The following CD59 variants were observed in gnomAD, a reference collection of about 807,000 sequenced individuals.
CD59 encodes CD59 molecule (CD59 blood group).
Under a neutral mutation model 7.0 loss-of-function variants are expected in CD59, and 3 were observed. That is an observed-to-expected ratio of 0.43 (90% confidence interval 0.19 to 1.10). CD59 has a LOEUF of 1.10. Ranked by LOEUF, CD59 falls within the 50% of genes least tolerant of loss-of-function variation. The pLI is 0.29. For missense variants in CD59, 143 were observed against 151.0 expected (o/e 0.95, Z 0.28); for synonymous variants, 60 against 62.0 (o/e 0.97, Z 0.15).
chr11:33,729,368 G>A (rs1227862863), intron 1 of CD59, among the ~76,000 whole-genome samples: 2 of 152,020 alleles, frequency 1.3e-5, no homozygotes, highest in Non-Finnish European at 2.9e-5. Context: ...TCCTTTGCAG[G>A]GACATGGATG....
At position 33,703,873 on chromosome 11, in the gene CD59, G is replaced by T. The variant is rs1000917536; in HGVS notation, c.*6253C>A. 1.3e-5 allele frequency: 2 copies of T among 152,250 alleles called. No individual in the cohort carries two copies. The highest frequency in any genetic ancestry group is 4.1e-4 in the South Asian group (2 of 4,824). The allele number at this position is 152,250 out of a possible 1,614,324, so 9.4% of individuals were successfully genotyped here. The stretch of plus-strand genomic sequence containing the variant: ...AGCATTCTTCACTCTCTATTTAACC[G>T]AGGCTGACTCATTGCAGTTGGCACT... On this transcript the variant is annotated 3_prime_UTR_variant, in exon 4 of 4. Transcript: ENST00000642928.
intron 1 of CD59, chr11:33,731,566 G>A (rs1253645754): frequency 5.9e-5 from 9 of 152,290 alleles, no homozygotes; most frequent in African/African-American, 2.2e-4. Context: ...TTAGACTCCA[G>A]CCCTAGAGGT....
chr11:33,707,579 C>T lies in CD59; in HGVS notation c.*2547G>A, dbSNP rs1853364393. On this transcript the variant is annotated 3_prime_UTR_variant, in exon 4 of 4. Coordinates refer to ENST00000642928, the MANE Select transcript of CD59 (RefSeq NM_000611.6). ...GAACACTATGACAGTTCCTGTAAAT[C>T]CAGATGAGTGGAGGGCACAGGGTAT... 2 of 152,370 alleles carry T rather than the reference C, an allele frequency of 1.3e-5. No homozygotes were observed. The highest frequency in any genetic ancestry group is 4.1e-4 in the South Asian group (2 of 4,830). 9.4% of individuals were successfully genotyped at this position (152,370 alleles called of 1,614,324 possible).
intron 1 of CD59, among the ~76,000 whole-genome samples, chr11:33,723,745 G>C (rs1033476192): frequency 1.3e-5 from 2 of 152,082 alleles, no homozygotes; most frequent in African/African-American, 4.8e-5. Context: ...CATTTTCAGG[G>C]GTTTCTGAGT....
chr11:33,711,195 G>T (rs192675844), intron 3 of CD59, among the ~76,000 whole-genome samples: 1 of 152,096 alleles, frequency 6.6e-6, no homozygotes, highest in Non-Finnish European at 1.5e-5. Context: ...CACCAGGTGC[G>T]GTGGCTCACA....
chr11:33,710,333 C>T lies in CD59; in HGVS notation c.180G>A (p.Val60=), dbSNP rs1853488449. The T allele has an allele frequency of 1.9e-6, 3 of 1,613,798 alleles. No homozygotes were observed. The highest frequency in any genetic ancestry group is 3.3e-4 in the Middle Eastern group (2 of 6,062). ...GCTCAAACTTCCAACACTTGTTATA[C>T]ACTTGTAACCCTGTGGGGAGACACA... ...ACLITKAGLQ[V]YNKCWKFEHC... Residue 60 remains valine (V), a synonymous_variant, in exon 4 of 4, where the codon GTG becomes GTA. Coordinates refer to ENST00000642928, the MANE Select transcript of CD59 (RefSeq NM_000611.6).
At chr11:33,721,578 C>A (rs1312019645) in intron 2 of CD59, among the ~76,000 whole-genome samples, 1 of 152,196 alleles carries the variant, frequency 6.6e-6, no homozygotes, top group Admixed American at 6.5e-5. Context: ...GGCAGACAAC[C>A]ACACTTGATC....
intron 1 of CD59, among the ~76,000 whole-genome samples, chr11:33,728,259 G>C (rs950158037): frequency 1.3e-5 from 2 of 152,154 alleles, no homozygotes; most frequent in Admixed American, 1.3e-4. Context: ...CACGCTACCT[G>C]ACTTCAAACT....
chr11:33,716,968 C>T (rs930008638), intron 3 of CD59, among the ~76,000 whole-genome samples: 1 of 152,178 alleles, frequency 6.6e-6, no homozygotes, highest in Non-Finnish European at 1.5e-5. Context: ...TGTATGTGTC[C>T]TTTCTTTATC....
chr11:33,719,835 C>T (rs7125604), intron 2 of CD59, among the ~76,000 whole-genome samples: 2,742 of 152,286 alleles, frequency 0.018, 45 homozygotes, highest in Non-Finnish European at 0.027. Flanking sequence ...CTGTCATGCC[C>T]GTGTGAGAGG....
At chr11:33,727,376 A>C (rs1490742736) in intron 1 of CD59, among the ~76,000 whole-genome samples, 1 of 152,252 alleles carries the variant, frequency 6.6e-6, no homozygotes. Context: ...ACATATGCAA[A>C]TCAATAAACA....
intron 1 of CD59, among the ~76,000 whole-genome samples, chr11:33,724,064 G>A (rs908429915): frequency 4.6e-5 from 7 of 152,170 alleles, no homozygotes; most frequent in African/African-American, 1.7e-4. Flanking sequence ...AGCTGTGACT[G>A]TGCCACTGCA....
chr11:33,730,119 C>T (rs1475736394), intron 1 of CD59, among the ~76,000 whole-genome samples: 1 of 151,934 alleles, frequency 6.6e-6, no homozygotes, highest in Non-Finnish European at 1.5e-5. Context: ...AAAACATACA[C>T]AAATCTATTA....
intron 2 of CD59, among the ~76,000 whole-genome samples, chr11:33,721,182 C>A (rs1401620773): frequency 1.3e-5 from 2 of 152,124 alleles, no homozygotes; most frequent in African/African-American, 4.8e-5. Context: ...TTACAGTGCA[C>A]CCTGGCTAGA....
chr11:33,731,783 G>A (rs1011329408), intron 1 of CD59, among the ~76,000 whole-genome samples: 2 of 150,356 alleles, frequency 1.3e-5, no homozygotes, highest in Admixed American at 6.6e-5. Context: ...AAATATTTAG[G>A]AGCCGCTTCT....
intron 2 of CD59, chr11:33,718,200 G>A (rs1853887051): frequency 6.5e-6 from 1 of 153,476 alleles, no homozygotes; most frequent in African/African-American, 2.4e-5. Flanking sequence ...TTTACTATCT[G>A]GGCCAGGCGC....
chr11:33,720,396 G>A (rs1162722635), intron 2 of CD59, among the ~76,000 whole-genome samples: 1 of 152,140 alleles, frequency 6.6e-6, no homozygotes, highest in African/African-American at 2.4e-5. Context: ...GGTGGAAACT[G>A]AGGTCAAAAA....
chr11:33,704,377 TAC>T lies in CD59; in HGVS notation c.*5747_*5748del, dbSNP rs1422190675. 2 of 152,164 alleles carry T rather than the reference TAC, an allele frequency of 1.3e-5. No individual in the cohort carries two copies. Among genetic ancestry groups the T allele is most frequent in the East Asian group, 1.9e-4 (1 of 5,194 alleles). 9.4% of individuals were successfully genotyped at this position (152,164 alleles called of 1,614,324 possible). On this transcript the variant is annotated 3_prime_UTR_variant, in exon 4 of 4. Coordinates refer to ENST00000642928, the MANE Select transcript of CD59 (RefSeq NM_000611.6). Reference sequence around the variant, plus strand: ...CATTGGAGTGTGGCTACAGTTATTATACAGTTACACATGGATTCCTTGATTCC... The same window carrying T: ...CATTGGAGTGTGGCTACAGTTATTATAGTTACACATGGATTCCTTGATTCC...
chr11:33,711,248 T>C, intron 3 of CD59: 2 of 578,694 alleles, frequency 3.5e-6, no homozygotes, highest in Non-Finnish European at 6.1e-6. Flanking sequence ...GGGAGAATTG[T>C]TTGAGGCGGG....
Sources: allele counts gnomAD v4.1 joint callset (sites outside exome capture counted in the v4.1 genomes callset), GRCh38; gene constraint gnomAD v4.1.1; transcripts MANE v1.5; gene names NCBI Gene and HGNC (gene_info 2026-07-23, HGNC 2026-07-21).